Variants in SRGAP1 observed in about 807,000 individuals in gnomAD.
SRGAP1 encodes the protein SLIT-ROBO Rho GTPase-activating protein 1.
In SRGAP1, 43 loss-of-function variants were observed where a neutral mutation model predicts 121.9. The observed-to-expected ratio is 0.35, with a 90% confidence interval of 0.28 to 0.46. The LOEUF (loss-of-function observed/expected upper bound fraction) is 0.46. Ranked by LOEUF, SRGAP1 falls within the 20% of genes least tolerant of loss-of-function variation. The pLI is 1.00. For synonymous variants in SRGAP1, 447 were observed against 485.4 expected (o/e 0.92, Z 1.04); for missense variants, 1,102 against 1,350.9 (o/e 0.82, Z 2.89).
At chr12:64,015,257 A>T (rs2034372274) in intron 3 of SRGAP1, among the ~76,000 whole-genome samples, 1 of 152,208 alleles carries the variant, frequency 6.6e-6, no homozygotes, top group Non-Finnish European at 1.5e-5. Context: ...ACCAAACTGA[A>T]GTCATAGGAG....
intron 1 of SRGAP1, among the ~76,000 whole-genome samples, chr12:63,867,270 T>G (rs11835034): frequency 1.4e-4 from 22 of 152,076 alleles, no homozygotes; most frequent in Non-Finnish European, 2.5e-4. Flanking sequence ...ATGAACAGTT[T>G]GCTGACCTTC....
At chr12:63,944,361 T>C (rs943403022) in intron 1 of SRGAP1, among the ~76,000 whole-genome samples, 5 of 152,142 alleles carry the variant, frequency 3.3e-5, no homozygotes, top group Admixed American at 2.0e-4. Context: ...TCAAGGCAGA[T>C]TCAATGTCTA....
chr12:64,062,788 C>T, intron 6 of SRGAP1, 129 bp from the exon 7 acceptor site: 1 of 632,468 alleles, frequency 1.6e-6, no homozygotes, highest in East Asian at 2.7e-5. Context: ...GAAACCAGTG[C>T]CTAATCCAAT....
intron 1 of SRGAP1, 107 bp from the exon 2 acceptor site, chr12:63,983,827 TATATATATATATA>T (rs1565981676): frequency 1.0e-5 from 1 of 96,460 alleles, no homozygotes; most frequent in Non-Finnish European, 2.0e-5. Context: ...TATATATATA[TATATATATATATA>T]TATATATATA....
intron 15 of SRGAP1, among the ~76,000 whole-genome samples, chr12:64,100,606 C>T (rs1358054129): frequency 6.6e-6 from 1 of 152,106 alleles, no homozygotes; most frequent in Non-Finnish European, 1.5e-5. Flanking sequence ...GAGTAGTCTG[C>T]CCCAATCCTA....
At chr12:63,877,450 CA>C (rs571221960) in intron 1 of SRGAP1, among the ~76,000 whole-genome samples, 1 of 151,294 alleles carries the variant, frequency 6.6e-6, no homozygotes, top group Non-Finnish European at 1.5e-5. Context: ...ACATTAGAAC[CA>C]AAAAAAAGCC....
At chr12:64,011,271 A>T (rs12099708) in intron 3 of SRGAP1, among the ~76,000 whole-genome samples, 6,586 of 152,112 alleles carry the variant, frequency 0.043, 502 homozygotes, top group African/African-American at 0.15. Context: ...ATTAGATTTT[A>T]TTTTAGTTCT....
chr12:64,051,762 C>T (rs1299476480), intron 6 of SRGAP1, among the ~76,000 whole-genome samples: 1 of 152,100 alleles, frequency 6.6e-6, no homozygotes, highest in Non-Finnish European at 1.5e-5. Flanking sequence ...AAAGTGCATT[C>T]TCTCTTTCTC....
intron 1 of SRGAP1, among the ~76,000 whole-genome samples, chr12:63,852,250 C>T (rs542074755): frequency 6.6e-6 from 1 of 152,318 alleles, no homozygotes; most frequent in Admixed American, 6.5e-5. Flanking sequence ...GAGCCTTGGG[C>T]CTCCCAAAGT....
chr12:64,043,090 T>C, intron 5 of SRGAP1, 118 bp downstream of exon 5: 2 of 733,440 alleles, frequency 2.7e-6, no homozygotes, highest in South Asian at 3.8e-5. Context: ...ATGCATTTCC[T>C]CCCATGGGAA....
At chr12:64,054,847 A>T (rs1207438259) in intron 6 of SRGAP1, among the ~76,000 whole-genome samples, 1 of 149,708 alleles carries the variant, frequency 6.7e-6, no homozygotes, top group East Asian at 2.0e-4. Context: ...CTAACTTGTC[A>T]TCTAGCATTA....
rs1036797400 is a variant in SRGAP1, at chr12:63,931,925, C to T, written c.68-52022C>T. On this transcript the variant is annotated intron_variant, in intron 1 of 21. Coordinates refer to ENST00000355086, the MANE Select transcript of SRGAP1 (RefSeq NM_020762.4). Reference sequence around the variant, plus strand: ...ACTGGAATTTTGAGTGCACATAGAACGATGTAGGGTTAGGCCTAAAAATAA... The same window carrying T: ...ACTGGAATTTTGAGTGCACATAGAATGATGTAGGGTTAGGCCTAAAAATAA... 4.6e-5 allele frequency among the ~76,000 whole-genome samples: 7 copies of T among 152,056 alleles called. No homozygotes were observed. The East Asian group carries it at 5.8e-4, about 13-fold the overall frequency.
chr12:64,062,870 T>C (rs2035474352), intron 6 of SRGAP1, 47 bp from the exon 7 acceptor site: 2 of 1,489,616 alleles, frequency 1.3e-6, no homozygotes, highest in Non-Finnish European at 1.8e-6. Flanking sequence ...TTGTCTTTGA[T>C]CAATTTTGCA....
At position 64,142,589 on chromosome 12, in the gene SRGAP1, C is replaced by A. The variant is rs1267673022; in HGVS notation, c.3175C>A (p.Pro1059Thr). The A allele has an allele frequency of 3.1e-6, 5 of 1,614,094 alleles. No homozygotes were observed. Among genetic ancestry groups the A allele is most frequent in the African/African-American group, 1.3e-5 (1 of 74,934 alleles). ...GAAGCCTCCAGCCCTTAGGCCAAAA[C>A]CTGCTGTTCTTCCAAAAACAAATCC... The part of the protein sequence containing the change: ...QLKPPALRPK[P>T]AVLPKTNPTI... Residue 1059 changes from proline (P) to threonine (T), a missense_variant, in exon 22 of 22, where the codon CCT becomes ACT. By Grantham distance (38) the Pro-to-Thr change is conservative (BLOSUM62 -1). Transcript: ENST00000355086.
At chr12:64,055,066 C>A (rs999157560) in intron 6 of SRGAP1, among the ~76,000 whole-genome samples, 7 of 151,326 alleles carry the variant, frequency 4.6e-5, no homozygotes, top group African/African-American at 9.7e-5. Context: ...TCAAATTGTC[C>A]CTGTTTGCAG....
In SRGAP1 at chr12:64,033,844, AC is replaced by A. The variant is rs1405004306; in HGVS notation, c.490-8942del. 3.9e-5 allele frequency among the ~76,000 whole-genome samples: 6 copies of A among 152,008 alleles called. No individual in the cohort carries two copies. In the East Asian group the frequency reaches 1.2e-3, roughly 29 times the overall value. On this transcript the variant is annotated intron_variant, in intron 4 of 21. Coordinates refer to ENST00000355086, the MANE Select transcript of SRGAP1 (RefSeq NM_020762.4). ...AGACCAGCCTGACCAAGATGGTGAAACCCCATCTCTACTAAAAATACAAGAA... is the reference window on the plus strand; with the variant it reads ...AGACCAGCCTGACCAAGATGGTGAAACCCATCTCTACTAAAAATACAAGAA...
chr12:64,071,879 C>A (rs906094066), intron 8 of SRGAP1, among the ~76,000 whole-genome samples: 26 of 147,604 alleles, frequency 1.8e-4, no homozygotes, highest in African/African-American at 1.2e-4. Context: ...CACCCCCCCC[C>A]AAAAAAAAAA....
chr12:64,061,268 T>G (rs1337083334), intron 6 of SRGAP1, among the ~76,000 whole-genome samples: 1 of 152,234 alleles, frequency 6.6e-6, no homozygotes, highest in Non-Finnish European at 1.5e-5. Flanking sequence ...AATCATTTAT[T>G]ATTTAAGAAT....
At position 64,015,808 on chromosome 12, in the gene SRGAP1, A is replaced by G. The variant is rs529190237; in HGVS notation, c.427-1142A>G. Among the ~76,000 whole-genome samples the G allele has an allele frequency of 4.6e-5, 7 of 152,280 alleles. No individual in the cohort carries two copies. In the South Asian group the frequency reaches 8.3e-4, roughly 18 times the overall value. On this transcript the variant is annotated intron_variant, in intron 3 of 21. Transcript: ENST00000355086. ...TGATAGTCCAGTGAGAGGTACATTC[A>G]CGGACCAGTGGATGTTGTTAATGTT...
Sources: allele counts gnomAD v4.1 joint callset (sites outside exome capture counted in the v4.1 genomes callset), GRCh38; gene constraint gnomAD v4.1.1; transcripts MANE v1.5; gene names NCBI Gene and HGNC (gene_info 2026-07-23, HGNC 2026-07-21).